KIAA1217: variants seen among roughly 807,000 people sequenced by gnomAD.
KIAA1217 encodes the protein KIAA1217.
A neutral mutation model predicts 163.9 loss-of-function variants in KIAA1217; 88 were observed. That is an observed-to-expected ratio of 0.54 (90% CI 0.45 to 0.64). The LOEUF (loss-of-function observed/expected upper bound fraction) is 0.64, where lower values mean the gene tolerates loss of function less well. KIAA1217 is among the 30% of genes least tolerant of loss of function. The probability of loss-of-function intolerance (pLI) is 0.00; values close to 1 mark genes in which losing one functional copy is unlikely to be tolerated. For synonymous variants in KIAA1217, 903 were observed against 923.1 expected, an observed-to-expected ratio of 0.98 and a Z score of 0.39; for missense variants, 2,372 against 2,475.0, an observed-to-expected ratio of 0.96 and a Z score of 0.88.
At chr10:24,102,928 G>A (rs537891467) in intron 2 of KIAA1217, among the ~76,000 whole-genome samples, 70 of 152,256 alleles carry the variant, frequency 4.6e-4, no homozygotes, top group African/African-American at 1.6e-3. Flanking sequence ...CTGTGCTCAG[G>A]GCAGTGATTA....
chr10:24,229,781 GAT>G (rs2071115360), intron 2 of KIAA1217, among the ~76,000 whole-genome samples: 1 of 152,084 alleles, frequency 6.6e-6, no homozygotes, highest in Non-Finnish European at 1.5e-5. Flanking sequence ...AAAGTGCTGG[GAT>G]TACAGTCATG....
At chr10:24,376,658 A>G (rs2052534018) in intron 2 of KIAA1217, among the ~76,000 whole-genome samples, 1 of 152,114 alleles carries the variant, frequency 6.6e-6, no homozygotes, top group Admixed American at 6.5e-5. Context: ...GCTACTCAGG[A>G]GGCTGAGGTG....
chr10:24,116,248 A>G (rs540015508), intron 2 of KIAA1217, among the ~76,000 whole-genome samples: 1 of 152,214 alleles, frequency 6.6e-6, no homozygotes, highest in South Asian at 2.1e-4. Flanking sequence ...GAATACAATT[A>G]TGGTGATACA....
chr10:23,730,707 A>G lies in KIAA1217; in HGVS notation c.-321+35473A>G, dbSNP rs1191763957. Among the ~76,000 whole-genome samples, 6 of 152,164 alleles carry G rather than the reference A, an allele frequency of 3.9e-5. No homozygotes were observed. The East Asian group carries it at 9.6e-4, about 24-fold the overall frequency. On this transcript the variant is annotated intron_variant, in intron 1 of 18. Coordinates refer to the KIAA1217 transcript ENST00000376462. ...TTTTTCTTACATAGATCTTGTATATATTTTGTTCAATTTATACCTAAGTAT... is the reference window on the plus strand; with the variant it reads ...TTTTTCTTACATAGATCTTGTATATGTTTTGTTCAATTTATACCTAAGTAT...
intron 1 of KIAA1217, among the ~76,000 whole-genome samples, chr10:23,751,361 T>C (rs1839729632): frequency 6.6e-6 from 1 of 152,164 alleles, no homozygotes; most frequent in Non-Finnish European, 1.5e-5. Context: ...AGGTGTCCCA[T>C]GCACCAGGAC....
intron 14 of KIAA1217, among the ~76,000 whole-genome samples, 175 bp downstream of exon 14, chr10:24,528,294 T>C (rs1326859447): frequency 6.6e-6 from 1 of 151,482 alleles, no homozygotes; most frequent in East Asian, 1.9e-4. Flanking sequence ...TCTTTACTAC[T>C]ATCTCTCTCT....
chr10:24,063,841 T>C (rs1023358862), intron 2 of KIAA1217, among the ~76,000 whole-genome samples: 1 of 152,250 alleles, frequency 6.6e-6, no homozygotes, highest in Non-Finnish European at 1.5e-5. Flanking sequence ...TAGTTCTCCT[T>C]GAAGAAGTCC....
intron 1 of KIAA1217, among the ~76,000 whole-genome samples, chr10:23,888,390 C>T (rs1003704155): frequency 1.3e-5 from 2 of 151,892 alleles, no homozygotes; most frequent in Admixed American, 1.3e-4. Context: ...TTGTCTCTTT[C>T]TAGGGAGAAG....
intron 2 of KIAA1217, among the ~76,000 whole-genome samples, chr10:24,143,996 A>G (rs1402729988): frequency 6.6e-6 from 1 of 152,204 alleles, no homozygotes; most frequent in Non-Finnish European, 1.5e-5. Context: ...CCAACTCTGT[A>G]AAAATGAATG....
intron 3 of KIAA1217, among the ~76,000 whole-genome samples, chr10:24,398,157 C>T (rs185282394): frequency 1.3e-5 from 2 of 152,298 alleles, no homozygotes; most frequent in East Asian, 3.9e-4. Context: ...TCAATTAACA[C>T]ATATTCGTAT....
chr10:23,758,518 T>C (rs1834036163), intron 1 of KIAA1217, among the ~76,000 whole-genome samples: 1 of 152,142 alleles, frequency 6.6e-6, no homozygotes, highest in African/African-American at 2.4e-5. Flanking sequence ...TTAGAATTGT[T>C]TCAGCTAATT....
At chr10:24,401,366 A>G (rs372381013) in intron 3 of KIAA1217, among the ~76,000 whole-genome samples, 2 of 152,166 alleles carry the variant, frequency 1.3e-5, no homozygotes, top group African/African-American at 2.4e-5. Flanking sequence ...AATCAGATTC[A>G]TCAAGGTGTA....
intron 6 of KIAA1217, among the ~76,000 whole-genome samples, chr10:24,491,787 C>G (rs1564789101): frequency 6.6e-6 from 1 of 152,074 alleles, no homozygotes; most frequent in Non-Finnish European, 1.5e-5. Flanking sequence ...TGAGACCTAC[C>G]TATTTCTTGC....
At chr10:24,359,060 CTTTTCTTTTCTTTCTTTCTTTCTTT>C (rs1564533186) in intron 2 of KIAA1217, among the ~76,000 whole-genome samples, 26 of 139,792 alleles carry the variant, frequency 1.9e-4, no homozygotes, top group Admixed American at 3.6e-4. Flanking sequence ...TTTCTTTTTT[CTTTTCTTTTCTTTCTTTCTTTCTTT>C]TTTTTTTTTT....
intron 1 of KIAA1217, among the ~76,000 whole-genome samples, chr10:23,832,936 A>T (rs970727876): frequency 6.6e-6 from 1 of 152,136 alleles, no homozygotes; most frequent in Non-Finnish European, 1.5e-5. Flanking sequence ...GTCCGATCTC[A>T]TGAGACTTAT....
chr10:24,535,791 AC>A (rs2073922034), intron 16 of KIAA1217, among the ~76,000 whole-genome samples: 1 of 151,982 alleles, frequency 6.6e-6, no homozygotes, highest in Non-Finnish European at 1.5e-5. Context: ...AAATAAACAA[AC>A]AAACAAACAA....
chr10:23,702,020 A>G (rs1404264850), intron 1 of KIAA1217, among the ~76,000 whole-genome samples: 2 of 152,178 alleles, frequency 1.3e-5, no homozygotes, highest in Non-Finnish European at 2.9e-5. Context: ...TGGGTTTAGT[A>G]CTTGTAGGTT....
chr10:24,278,951 G>C (rs902175529), intron 2 of KIAA1217, among the ~76,000 whole-genome samples: 1 of 150,816 alleles, frequency 6.6e-6, no homozygotes, highest in African/African-American at 2.4e-5. Context: ...CTGCCTCCCA[G>C]GCTCAAGCGA....
At chr10:23,827,655 C>G (rs1837962264) in intron 1 of KIAA1217, among the ~76,000 whole-genome samples, 1 of 152,184 alleles carries the variant, frequency 6.6e-6, no homozygotes, top group Admixed American at 6.5e-5. Context: ...GCAGAACTAT[C>G]TGGGGAGCTT....
Sources: gnomAD v4.1 joint callset for allele counts (sites outside exome capture counted in the v4.1 genomes callset) on GRCh38, gnomAD v4.1.1 for gene constraint, MANE v1.5 for transcripts, NCBI Gene and HGNC (gene_info 2026-07-23, HGNC 2026-07-21) for gene names.